Variants in GALNTL6 observed in about 807,000 individuals in gnomAD.
The protein encoded by GALNTL6 is polypeptide N-acetylgalactosaminyltransferase-like 6.
In GALNTL6, 46 loss-of-function variants were observed where a neutral mutation model predicts 73.7. The observed-to-expected ratio is 0.62, with a 90% CI of 0.49 to 0.80. The LOEUF is 0.80. GALNTL6 is among the 30% of genes least tolerant of loss of function. GALNTL6 has a pLI of 0.00. For synonymous variants in GALNTL6, 259 were observed against 263.7 expected, an observed-to-expected ratio of 0.98 and a Z score of 0.17; for missense variants, 604 against 755.0, an observed-to-expected ratio of 0.80 and a Z score of 2.34.
At chr4:172,206,676 G>C (rs1480721929) in intron 2 of GALNTL6, among the ~76,000 whole-genome samples, 1 of 151,984 alleles carries the variant, frequency 6.6e-6, no homozygotes, top group Non-Finnish European at 1.5e-5. Flanking sequence ...TACGCAGCAG[G>C]GGAAAGAACA....
intron 11 of GALNTL6, among the ~76,000 whole-genome samples, chr4:173,019,259 T>A (rs923803367): frequency 6.6e-6 from 1 of 152,126 alleles, no homozygotes; most frequent in Non-Finnish European, 1.5e-5. Flanking sequence ...GAGATGTCCA[T>A]GGGACATGCA....
At chr4:172,910,057 G>A (rs370732345) in intron 8 of GALNTL6, among the ~76,000 whole-genome samples, 1 of 151,442 alleles carries the variant, frequency 6.6e-6, no homozygotes, top group African/African-American at 2.4e-5. Flanking sequence ...TTAAAATGAA[G>A]GGAATACAAA....
rs1170901538 is a variant in GALNTL6 at position 172,405,427 on chromosome 4, ATATATATATATATATATTTTTTTT to A, written c.553+56740_553+56763del. Among the ~76,000 whole-genome samples the A allele has an allele frequency of 5.5e-3, 105 of 19,186 alleles. 1 individual carries two copies. The highest frequency in any genetic ancestry group is 0.014 in the African/African-American group (99 of 7,166). The allele number at this position is 19,186 out of a possible 152,430, so 12.6% of individuals were successfully genotyped here. A position where few individuals can be genotyped will look rare whatever the true frequency, so the allele number is the denominator to read the frequency against. ...GATATATATATATATATATATATAT[ATATATATATATATATATTTTTTTT>A]TTTTTTTTTTTTTTTCTCCTTGCAT... On this transcript the variant is annotated intron_variant, in intron 5 of 12. Coordinates refer to ENST00000506823, the MANE Select transcript of GALNTL6 (RefSeq NM_001034845.3).
intron 5 of GALNTL6, among the ~76,000 whole-genome samples, chr4:172,480,452 C>A (rs1471372977): frequency 1.3e-5 from 2 of 152,176 alleles, no homozygotes; most frequent in African/African-American, 4.8e-5. Flanking sequence ...GACCTATGCT[C>A]AAATCCTTTA....
At chr4:172,219,196 AGT>A (rs1277948042) in intron 2 of GALNTL6, among the ~76,000 whole-genome samples, 1 of 18,576 alleles carries the variant, frequency 5.4e-5, no homozygotes, top group Admixed American at 6.8e-4. Context: ...AGATTAAGCA[AGT>A]GTATATATAT....
chr4:172,932,272 C>T (rs375331207), intron 9 of GALNTL6, among the ~76,000 whole-genome samples: 1 of 152,104 alleles, frequency 6.6e-6, no homozygotes. Context: ...TAAAACGGGG[C>T]TTAGGGAACA....
intron 2 of GALNTL6, among the ~76,000 whole-genome samples, chr4:171,855,356 T>G (rs1438625662): frequency 6.6e-6 from 1 of 152,220 alleles, no homozygotes; most frequent in African/African-American, 2.4e-5. Context: ...AAATGTCAGA[T>G]AGTTGAAATT....
At chr4:172,796,746 TA>T (rs750579804) in intron 5 of GALNTL6, among the ~76,000 whole-genome samples, 9 of 152,214 alleles carry the variant, frequency 5.9e-5, no homozygotes, top group Non-Finnish European at 1.0e-4. Flanking sequence ...ATTTCCTGCA[TA>T]TTTCCTTCTA....
At chr4:171,964,804 C>T (rs1739337874) in intron 2 of GALNTL6, among the ~76,000 whole-genome samples, 1 of 152,130 alleles carries the variant, frequency 6.6e-6, no homozygotes, top group Admixed American at 6.5e-5. Flanking sequence ...GGCGGTCGAC[C>T]TTGGACAAGC....
chr4:171,902,541 G>A (rs1372101669), intron 2 of GALNTL6, among the ~76,000 whole-genome samples: 2 of 152,198 alleles, frequency 1.3e-5, no homozygotes, highest in Admixed American at 1.3e-4. Context: ...ACAGGAATCA[G>A]GACAGATGAT....
At chr4:172,138,492 TATATATA>T (rs1733701880) in intron 2 of GALNTL6, among the ~76,000 whole-genome samples, 1 of 7,708 alleles carries the variant, frequency 1.3e-4, no homozygotes, top group African/African-American at 3.6e-4. Flanking sequence ...TATATATATA[TATATATA>T]TATATATATA....
intron 5 of GALNTL6, among the ~76,000 whole-genome samples, chr4:172,462,137 A>C (rs1261487667): frequency 1.3e-5 from 2 of 152,168 alleles, no homozygotes; most frequent in Admixed American, 6.6e-5. Flanking sequence ...CCTCATTTTC[A>C]GGCCTTCAGA....
intron 2 of GALNTL6, among the ~76,000 whole-genome samples, chr4:171,941,847 A>T (rs28602294): frequency 0.02 from 2,983 of 152,340 alleles, 101 homozygotes; most frequent in African/African-American, 0.068. Context: ...TAAGAAAATT[A>T]TGTGAAAATT....
intron 2 of GALNTL6, among the ~76,000 whole-genome samples, chr4:172,055,784 C>T (rs1731004181): frequency 6.6e-6 from 1 of 152,080 alleles, no homozygotes. Flanking sequence ...TTAACGTGGG[C>T]CAGTTATCAG....
chr4:172,891,631 G>A (rs544434099), intron 8 of GALNTL6, among the ~76,000 whole-genome samples: 40 of 152,262 alleles, frequency 2.6e-4, no homozygotes, highest in Non-Finnish European at 5.1e-4. Flanking sequence ...TGGTCATCTT[G>A]TATAGTATCT....
At chr4:171,826,950 C>A (rs1734841599) in intron 2 of GALNTL6, among the ~76,000 whole-genome samples, 1 of 152,018 alleles carries the variant, frequency 6.6e-6, no homozygotes, top group Non-Finnish European at 1.5e-5. Flanking sequence ...TACTTGTGTT[C>A]TTTTCCTAAA....
chr4:172,787,932 A>G (rs1739751991), intron 5 of GALNTL6, among the ~76,000 whole-genome samples: 1 of 152,232 alleles, frequency 6.6e-6, no homozygotes, highest in Non-Finnish European at 1.5e-5. Context: ...CTTTTCAATA[A>G]TTTTAGAGAC....
chr4:172,548,957 TA>T (rs1168242374), intron 5 of GALNTL6, among the ~76,000 whole-genome samples: 1 of 152,210 alleles, frequency 6.6e-6, no homozygotes, highest in Non-Finnish European at 1.5e-5. Context: ...ACTATTTAAG[TA>T]GATACTGAAG....
intron 5 of GALNTL6, among the ~76,000 whole-genome samples, chr4:172,522,065 A>T (rs1734792166): frequency 6.6e-6 from 1 of 151,962 alleles, no homozygotes; most frequent in Non-Finnish European, 1.5e-5. Context: ...GTTGGACTCA[A>T]TATAGAGAAT....
Sources: gnomAD v4.1 joint callset for allele counts (sites outside exome capture counted in the v4.1 genomes callset) on GRCh38, gnomAD v4.1.1 for gene constraint, MANE v1.5 for transcripts, NCBI Gene and HGNC (gene_info 2026-07-23, HGNC 2026-07-21) for gene names.